The following BNC2 variants were observed in gnomAD, a reference collection of about 807,000 sequenced individuals.
BNC2 encodes zinc finger protein basonuclin-2.
A neutral mutation model predicts 76.3 loss-of-function variants in BNC2; 20 were observed. That is an observed-to-expected ratio of 0.26 (90% CI 0.18 to 0.38). The LOEUF is 0.38. Ranked by LOEUF, BNC2 falls within the 10% of genes least tolerant of loss-of-function variation. The probability of loss-of-function intolerance (pLI) is 1.00; values close to 1 mark genes in which losing one functional copy is unlikely to be tolerated. For missense variants in BNC2, 1,382 were observed against 1,399.8 expected (o/e 0.99, Z 0.20); for synonymous variants, 582 against 514.8 (o/e 1.13, Z -1.77).
chr9:16,809,935 T>G (rs1818004053), intron 1 of BNC2, among the ~76,000 whole-genome samples: 1 of 152,204 alleles, frequency 6.6e-6, no homozygotes, highest in African/African-American at 2.4e-5. Context: ...TCTTTCCTAA[T>G]CAATGCTTTG....
intron 3 of BNC2, among the ~76,000 whole-genome samples, chr9:16,638,045 T>C (rs10122372): frequency 0.071 from 10,823 of 152,264 alleles, 456 homozygotes; most frequent in Middle Eastern, 0.13. Context: ...CCGAGCAGGA[T>C]TGGATCCGCC....
intron 3 of BNC2, among the ~76,000 whole-genome samples, chr9:16,701,935 C>G (rs1457073349): frequency 1.5e-5 from 1 of 67,352 alleles, no homozygotes; most frequent in Admixed American, 2.2e-4. Flanking sequence ...GAACGAGACT[C>G]TCCAAAAAAA....
chr9:16,512,588 A>C (rs1447857916), intron 5 of BNC2, among the ~76,000 whole-genome samples: 1 of 152,218 alleles, frequency 6.6e-6, no homozygotes, highest in African/African-American at 2.4e-5. Context: ...CATCTAATAA[A>C]ACTACTTTGT....
chr9:16,625,103 C>T (rs1187944030), intron 3 of BNC2, among the ~76,000 whole-genome samples: 1 of 152,074 alleles, frequency 6.6e-6, no homozygotes, highest in Non-Finnish European at 1.5e-5. Context: ...AATCAAAACC[C>T]CTTTGCTTTT....
intron 1 of BNC2, among the ~76,000 whole-genome samples, chr9:16,813,544 C>A (rs945692660): frequency 6.6e-6 from 1 of 152,178 alleles, no homozygotes; most frequent in South Asian, 2.1e-4. Flanking sequence ...GGATTACAGG[C>A]GTGAGCCACC....
chr9:16,845,388 T>C (rs1283864027), intron 1 of BNC2, among the ~76,000 whole-genome samples: 1 of 152,164 alleles, frequency 6.6e-6, no homozygotes, highest in African/African-American at 2.4e-5. Flanking sequence ...CAAGTCATAA[T>C]ATACGCATTA....
intron 3 of BNC2, among the ~76,000 whole-genome samples, chr9:16,670,168 C>G (rs994997002): frequency 2.0e-5 from 3 of 152,104 alleles, no homozygotes; most frequent in African/African-American, 7.2e-5. Flanking sequence ...TTAATAGAAG[C>G]ATTAACTATA....
In BNC2 at chr9:16,413,564, T is replaced by C. The variant is rs1446389337; in HGVS notation, c.*5425A>G. ...GTGGGAAGGATGAGGATGATGAAAC[T>C]ACACAAGGAAGGACGGGTATGTGGG... is the stretch of plus-strand genomic sequence containing the variant. On this transcript the variant is annotated 3_prime_UTR_variant, in exon 7 of 7. Coordinates refer to ENST00000380672, the MANE Select transcript of BNC2 (RefSeq NM_017637.6). 4 of 152,118 alleles carry C rather than the reference T, an allele frequency of 2.6e-5. No individual in the cohort carries two copies. The highest frequency in any genetic ancestry group is 9.7e-5 in the African/African-American group (4 of 41,422). 9.4% of individuals were successfully genotyped at this position (152,118 alleles called of 1,614,324 possible).
At chr9:16,486,046 A>G (rs77307780) in intron 5 of BNC2, among the ~76,000 whole-genome samples, 2,568 of 152,272 alleles carry the variant, frequency 0.017, 73 homozygotes, top group African/African-American at 0.058. Context: ...CTGAAAATAA[A>G]TCACCCCAAA....
At chr9:16,641,843 A>G (rs1391014745) in intron 3 of BNC2, among the ~76,000 whole-genome samples, 1 of 152,214 alleles carries the variant, frequency 6.6e-6, no homozygotes, top group Admixed American at 6.5e-5. Flanking sequence ...TTCCCACATG[A>G]GAATTCCCTT....
chr9:16,567,754 GT>G (rs1819209197), intron 4 of BNC2, among the ~76,000 whole-genome samples: 1 of 152,030 alleles, frequency 6.6e-6, no homozygotes, highest in Admixed American at 6.6e-5. Context: ...GACTCAGTTG[GT>G]TTCCACAGGA....
At chr9:16,808,780 G>A (rs186261936) in intron 1 of BNC2, among the ~76,000 whole-genome samples, 162 of 151,914 alleles carry the variant, frequency 1.1e-3, no homozygotes, top group Admixed American at 2.1e-3. Flanking sequence ...TAAAACCTGG[G>A]TAGCAAAATA....
rs138475831 is a variant in BNC2 at position 16,819,239 on chromosome 9, G to C, written c.3+51407C>G. 4.6e-3 allele frequency among the ~76,000 whole-genome samples: 701 copies of C among 152,316 alleles called. 4 individuals are homozygous for C. The highest frequency in any genetic ancestry group is 0.016 in the African/African-American group (664 of 41,582). On this transcript the variant is annotated intron_variant, in intron 1 of 6. Coordinates refer to ENST00000380672, the MANE Select transcript of BNC2 (RefSeq NM_017637.6). The stretch of plus-strand genomic sequence containing the variant: ...ACAGATTTTATTAATTCAGGTATAA[G>C]ATTATGGTGTATCCATTTCTATTTA...
At chr9:16,817,821 T>C (rs1818221058) in intron 1 of BNC2, among the ~76,000 whole-genome samples, 1 of 152,196 alleles carries the variant, frequency 6.6e-6, no homozygotes, top group Non-Finnish European at 1.5e-5. Flanking sequence ...ACTTGGCATA[T>C]ATTTTCTTTA....
chr9:16,440,580 G>T (rs925819195), intron 5 of BNC2, among the ~76,000 whole-genome samples: 8 of 152,112 alleles, frequency 5.3e-5, no homozygotes, highest in Admixed American at 2.6e-4. Flanking sequence ...GCAGCCTCTG[G>T]CATTAAAATG....
chr9:16,727,978 T>A lies in BNC2; in HGVS notation c.149A>T (p.Asp50Val). 4 of 1,613,934 alleles carry A rather than the reference T, an allele frequency of 2.5e-6. No homozygotes were observed. Among genetic ancestry groups the A allele is most frequent in the Non-Finnish European group, 3.4e-6 (4 of 1,180,002 alleles). Reference protein sequence around the residue: ...SQIESEEAEVDVRERETQRDR... With the variant: ...SQIESEEAEVVVRERETQRDR... Reference sequence around the variant, plus strand: ...TCTCTGTGTCTCTCTTTCTCTCACATCCACTTCTGCCTCTTCTGACTGAAA... The same window carrying A: ...TCTCTGTGTCTCTCTTTCTCTCACAACCACTTCTGCCTCTTCTGACTGAAA... Residue 50 changes from aspartate to valine, a missense_variant, in exon 3 of 7, where the codon GAT (aspartate) becomes GTT (valine). Asp to Val is a radical substitution (Grantham distance 152). Coordinates refer to ENST00000380672, the MANE Select transcript of BNC2 (RefSeq NM_017637.6).
intron 2 of BNC2, among the ~76,000 whole-genome samples, chr9:16,729,830 G>A (rs1824455831): frequency 6.6e-6 from 1 of 152,134 alleles, no homozygotes; most frequent in South Asian, 2.1e-4. Context: ...CCTCAGTCAA[G>A]CTGCCTGCTC....
At chr9:16,474,123 G>C (rs1402070066) in intron 5 of BNC2, among the ~76,000 whole-genome samples, 1 of 152,158 alleles carries the variant, frequency 6.6e-6, no homozygotes, top group Non-Finnish European at 1.5e-5. Flanking sequence ...TGAGAGAACT[G>C]TAATTTTTAA....
chr9:16,762,271 G>A (rs961057211), intron 1 of BNC2, among the ~76,000 whole-genome samples: 4 of 152,170 alleles, frequency 2.6e-5, no homozygotes, highest in African/African-American at 9.7e-5. Context: ...GAGATGAAAT[G>A]CCAGAAGGGG....
Sources: allele counts gnomAD v4.1 joint callset (sites outside exome capture counted in the v4.1 genomes callset), GRCh38; gene constraint gnomAD v4.1.1; transcripts MANE v1.5; gene names NCBI Gene and HGNC (gene_info 2026-07-23, HGNC 2026-07-21).